The following LNX1 variants were observed in gnomAD, a reference collection of about 807,000 sequenced individuals.
LNX1 encodes the protein E3 ubiquitin-protein ligase LNX.
In LNX1, 54 loss-of-function variants were observed where a neutral mutation model predicts 68.4. That is an observed-to-expected ratio of 0.79 (90% CI 0.63 to 0.99). The LOEUF is 0.99. LNX1 is among the 50% of genes least tolerant of loss of function. The pLI is 0.00. For synonymous variants in LNX1, 336 were observed against 350.0 expected (o/e 0.96, Z 0.45); for missense variants, 906 against 926.4 (o/e 0.98, Z 0.29).
chr4:53,515,387 A>G (rs186424876), intron 2 of LNX1, among the ~76,000 whole-genome samples: 1 of 152,134 alleles, frequency 6.6e-6, no homozygotes, highest in Non-Finnish European at 1.5e-5. Context: ...TGTGGGATTC[A>G]CTCACACCAC....
At chr4:53,512,622 T>C (rs1726437738) in intron 2 of LNX1, among the ~76,000 whole-genome samples, 1 of 152,160 alleles carries the variant, frequency 6.6e-6, no homozygotes, top group Non-Finnish European at 1.5e-5. Flanking sequence ...TTCAACTGTA[T>C]TTCTTTCACC....
intron 4 of LNX1, among the ~76,000 whole-genome samples, chr4:53,506,280 G>T (rs1427069555): frequency 1.3e-5 from 2 of 152,098 alleles, no homozygotes; most frequent in African/African-American, 4.8e-5. Flanking sequence ...TAACATTATT[G>T]TCACATCTAA....
intron 5 of LNX1, chr4:53,496,703 G>A: frequency 3.5e-6 from 1 of 283,198 alleles, no homozygotes; most frequent in Non-Finnish European, 6.6e-6. Context: ...TTAGCTGGCA[G>A]GAAGAGAGGG....
intron 1 of LNX1, among the ~76,000 whole-genome samples, chr4:53,636,664 T>G (rs1734492357): frequency 6.6e-6 from 1 of 152,160 alleles, no homozygotes; most frequent in Admixed American, 6.5e-5. Flanking sequence ...TCACTTACTT[T>G]GATAGTAATT....
At chr4:53,613,348 T>C (rs75681982) in intron 2 of LNX1, among the ~76,000 whole-genome samples, 1 of 90,584 alleles carries the variant, frequency 1.1e-5, no homozygotes. Flanking sequence ...TTCCAGGAAT[T>C]TTTTTTTTTT....
intron 2 of LNX1, among the ~76,000 whole-genome samples, chr4:53,535,502 T>C (rs929516527): frequency 6.6e-6 from 1 of 151,404 alleles, no homozygotes; most frequent in Admixed American, 6.6e-5. Context: ...TATGTTGTAA[T>C]GAAGTTGAAC....
chr4:53,492,651 C>T (rs980327136), intron 6 of LNX1, among the ~76,000 whole-genome samples: 6 of 151,902 alleles, frequency 3.9e-5, no homozygotes, highest in African/African-American at 1.5e-4. Flanking sequence ...AAAGAGGCTC[C>T]AGCCGTCACT....
intron 2 of LNX1, among the ~76,000 whole-genome samples, chr4:53,526,398 C>T (rs1727612881): frequency 6.6e-6 from 1 of 152,116 alleles, no homozygotes; most frequent in Non-Finnish European, 1.5e-5. Context: ...ACCACCAAAC[C>T]CTGGCACAAA....
chr4:53,554,776 C>T (rs1244237141), intron 2 of LNX1, among the ~76,000 whole-genome samples: 9 of 151,344 alleles, frequency 5.9e-5, no homozygotes, highest in Non-Finnish European at 8.8e-5. Flanking sequence ...CACTTAAACC[C>T]GGGAGGCGGA....
chr4:53,505,773 G>A (rs1406217310), intron 4 of LNX1, among the ~76,000 whole-genome samples: 1 of 152,164 alleles, frequency 6.6e-6, no homozygotes, highest in Non-Finnish European at 1.5e-5. Flanking sequence ...CGCTGATACA[G>A]GTGCTTCAAA....
chr4:53,578,058 C>T (rs1020266740), intron 1 of LNX1, among the ~76,000 whole-genome samples: 8 of 152,094 alleles, frequency 5.3e-5, no homozygotes, highest in African/African-American at 1.4e-4. Context: ...TTGTCAATCA[C>T]ACCAAAAAAA....
At chr4:53,522,290 C>T (rs552460630) in intron 2 of LNX1, among the ~76,000 whole-genome samples, 1 of 152,320 alleles carries the variant, frequency 6.6e-6, no homozygotes, top group Admixed American at 6.5e-5. Flanking sequence ...TGCCTCTCAT[C>T]TCACTTTCTC....
chr4:53,568,151 C>T (rs1460604580), intron 2 of LNX1, among the ~76,000 whole-genome samples: 1 of 151,940 alleles, frequency 6.6e-6, no homozygotes, highest in African/African-American at 2.4e-5. Context: ...TTTTATGAGG[C>T]CAGCTTCATT....
chr4:53,555,723 A>G (rs1253661490), intron 2 of LNX1, among the ~76,000 whole-genome samples: 1 of 152,144 alleles, frequency 6.6e-6, no homozygotes, highest in Non-Finnish European at 1.5e-5. Context: ...CATACACAGC[A>G]ATTGGAAGCT....
chr4:53,604,957 T>C (rs1280495218), intron 2 of LNX1, among the ~76,000 whole-genome samples: 2 of 152,154 alleles, frequency 1.3e-5, no homozygotes, highest in Admixed American at 6.5e-5. Flanking sequence ...CCCGGGTGAT[T>C]TGCAAAGTCA....
chr4:53,571,151 C>T (rs1479763229), intron 2 of LNX1, among the ~76,000 whole-genome samples: 1 of 151,872 alleles, frequency 6.6e-6, no homozygotes, highest in East Asian at 1.9e-4. Flanking sequence ...TCCCAAGTAG[C>T]TGGGATTACA....
chr4:53,525,949 G>C (rs1447861956), intron 2 of LNX1, among the ~76,000 whole-genome samples: 1 of 152,008 alleles, frequency 6.6e-6, no homozygotes, highest in Non-Finnish European at 1.5e-5. Context: ...TGGGCAAAGA[G>C]GTAATTTGCA....
chr4:53,485,482 C>T (rs1724225396), intron 6 of LNX1, among the ~76,000 whole-genome samples: 1 of 152,214 alleles, frequency 6.6e-6, no homozygotes, highest in Non-Finnish European at 1.5e-5. Flanking sequence ...AAATTTCTCA[C>T]TGGATTTTCA....
At chr4:53,490,607 G>T (rs984612313) in intron 6 of LNX1, among the ~76,000 whole-genome samples, 4 of 152,174 alleles carry the variant, frequency 2.6e-5, no homozygotes, top group African/African-American at 9.7e-5. Context: ...CTTCCCTGAA[G>T]TAATGCAGAA....
Sources: allele counts gnomAD v4.1 joint callset (sites outside exome capture counted in the v4.1 genomes callset), GRCh38; gene constraint gnomAD v4.1.1; transcripts MANE v1.5; gene names NCBI Gene and HGNC (gene_info 2026-07-23, HGNC 2026-07-21).